TAFA4: variants seen among roughly 807,000 people sequenced by gnomAD.
TAFA4 encodes TAFA chemokine like family member 4.
Under a neutral mutation model 21.1 loss-of-function variants are expected in TAFA4, and 20 were observed. The observed-to-expected ratio is 0.95, with a 90% CI of 0.67 to 1.38. TAFA4 has a LOEUF of 1.38. Among genes scored for constraint, TAFA4 ranks in the 40% most tolerant of loss-of-function variants. The probability of loss-of-function intolerance (pLI) is 0.00; values close to 1 mark genes in which losing one functional copy is unlikely to be tolerated. For synonymous variants in TAFA4, 71 were observed against 67.4 expected (o/e 1.05, Z -0.26); for missense variants, 211 against 180.9 (o/e 1.17, Z -0.95).
intron 1 of TAFA4, among the ~76,000 whole-genome samples, chr3:68,922,663 T>C (rs1423317228): frequency 1.3e-5 from 2 of 152,220 alleles, no homozygotes; most frequent in African/African-American, 2.4e-5. Flanking sequence ...GAGTCTTTTG[T>C]AGATGTGAAA....
At chr3:68,890,137 CTT>C (rs2089716078) in intron 1 of TAFA4, among the ~76,000 whole-genome samples, 1 of 152,186 alleles carries the variant, frequency 6.6e-6, no homozygotes, top group South Asian at 2.1e-4. Context: ...TTTCAAATGA[CTT>C]TAAGAAAACA....
chr3:68,764,068 C>T (rs1702805105), intron 3 of TAFA4, among the ~76,000 whole-genome samples: 1 of 151,870 alleles, frequency 6.6e-6, no homozygotes, highest in Non-Finnish European at 1.5e-5. Flanking sequence ...TGAATTTGTC[C>T]CCTACAAATT....
At chr3:68,734,618 T>C (rs544744763) in intron 5 of TAFA4, among the ~76,000 whole-genome samples, 2 of 152,216 alleles carry the variant, frequency 1.3e-5, no homozygotes, top group African/African-American at 4.8e-5. Context: ...TCAAGGACAA[T>C]TCCAAGATCT....
At chr3:68,734,924 TTGGACAACTTCA>T (rs1702212061) in intron 5 of TAFA4, among the ~76,000 whole-genome samples, 1 of 152,136 alleles carries the variant, frequency 6.6e-6, no homozygotes, top group Non-Finnish European at 1.5e-5. Context: ...CCAGCTCATT[TTGGACAACTTCA>T]CTGAAGTTGG....
chr3:68,826,281 G>C (rs1010535546), intron 3 of TAFA4, among the ~76,000 whole-genome samples: 1 of 152,100 alleles, frequency 6.6e-6, no homozygotes, highest in African/African-American at 2.4e-5. Flanking sequence ...ATAATAAGAA[G>C]GTTTACTCAG....
At chr3:68,912,000 C>G (rs1460872260) in intron 1 of TAFA4, among the ~76,000 whole-genome samples, 2 of 152,194 alleles carry the variant, frequency 1.3e-5, no homozygotes, top group Non-Finnish European at 2.9e-5. Flanking sequence ...CCTCTGCATT[C>G]CAGTGAATCA....
At chr3:68,769,057 T>C (rs920092712) in intron 3 of TAFA4, among the ~76,000 whole-genome samples, 3 of 152,216 alleles carry the variant, frequency 2.0e-5, no homozygotes, top group Non-Finnish European at 2.9e-5. Context: ...CATAAACAGG[T>C]ACCAGTTTGT....
At chr3:68,881,438 C>A (rs1198379276) in intron 2 of TAFA4, among the ~76,000 whole-genome samples, 1 of 152,128 alleles carries the variant, frequency 6.6e-6, no homozygotes, top group African/African-American at 2.4e-5. Flanking sequence ...AAAAACAATT[C>A]CGTTCACATG....
At position 68,866,976 on chromosome 3, in the gene TAFA4, G is replaced by A. The variant is rs572596384; in HGVS notation, c.130+13754C>T. Among the ~76,000 whole-genome samples the A allele has an allele frequency of 5.9e-5, 9 of 152,116 alleles. 1 individual carries two copies. The highest frequency in any genetic ancestry group is 2.2e-4 in the African/African-American group (9 of 41,534). On this transcript the variant is annotated intron_variant, in intron 3 of 5. Coordinates refer to ENST00000295569, the MANE Select transcript of TAFA4 (RefSeq NM_182522.5). The stretch of plus-strand genomic sequence containing the variant: ...CTAAGAATCACTGGTGTCTAAGACG[G>A]AATTGAGAAAGAGCAAGGGGTAGCA...
intron 3 of TAFA4, among the ~76,000 whole-genome samples, chr3:68,845,240 C>T (rs1704757623): frequency 6.6e-6 from 1 of 152,080 alleles, no homozygotes; most frequent in Admixed American, 6.5e-5. Flanking sequence ...TTTCTTGTTG[C>T]ATTGATCCCT....
chr3:68,737,451 G>A (rs545009424), intron 5 of TAFA4, among the ~76,000 whole-genome samples: 63 of 152,176 alleles, frequency 4.1e-4, no homozygotes, highest in African/African-American at 1.0e-3. Context: ...ATATCAGATC[G>A]TTATCCCAGT....
intron 1 of TAFA4, among the ~76,000 whole-genome samples, chr3:68,893,192 T>G (rs2089748968): frequency 6.6e-6 from 1 of 152,196 alleles, no homozygotes; most frequent in Admixed American, 6.5e-5. Context: ...CCAACATAAA[T>G]TTTGGAGATT....
chr3:68,866,555 T>C (rs540920098), intron 3 of TAFA4, among the ~76,000 whole-genome samples: 1 of 147,512 alleles, frequency 6.8e-6, no homozygotes, highest in East Asian at 2.0e-4. Flanking sequence ...CAAGGAATCA[T>C]GAACTCCCTA....
intron 3 of TAFA4, among the ~76,000 whole-genome samples, chr3:68,861,675 C>G (rs9830191): frequency 0.036 from 5,398 of 152,034 alleles, 312 homozygotes; most frequent in African/African-American, 0.12. Flanking sequence ...GCCAACCCCC[C>G]CAGCCCAGCT....
At chr3:68,845,000 T>C (rs1408917402) in intron 3 of TAFA4, among the ~76,000 whole-genome samples, 2 of 152,210 alleles carry the variant, frequency 1.3e-5, no homozygotes, top group Non-Finnish European at 2.9e-5. Context: ...TTCTGCTGAT[T>C]TGGGGAGGAG....
chr3:68,893,895 T>C (rs1450291662), intron 1 of TAFA4, among the ~76,000 whole-genome samples: 1 of 152,222 alleles, frequency 6.6e-6, no homozygotes, highest in Non-Finnish European at 1.5e-5. Context: ...GTTTATAATA[T>C]GTATGTTTTT....
In TAFA4 at chr3:68,906,159, T is replaced by C. The variant is rs17048137; in HGVS notation, c.-122-20849A>G. On this transcript the variant is annotated intron_variant, in intron 1 of 5. Transcript: ENST00000295569. ...GAAGTAGGATGTGGAGTAGACATTC[T>C]TCAAAGGAACAAGTGTCGTTCCTCA... 5.5e-3 allele frequency among the ~76,000 whole-genome samples: 845 copies of C among 152,320 alleles called. 13 individuals are homozygous for C. Among genetic ancestry groups the C allele is most frequent in the African/African-American group, 0.02 (812 of 41,558 alleles).
intron 1 of TAFA4, among the ~76,000 whole-genome samples, chr3:68,929,850 C>T (rs919702284): frequency 6.6e-6 from 1 of 152,202 alleles, no homozygotes; most frequent in Admixed American, 6.5e-5. Flanking sequence ...CCTTCTTTCC[C>T]TTATTCATCA....
intron 3 of TAFA4, among the ~76,000 whole-genome samples, chr3:68,801,636 G>T (rs1472629006): frequency 6.6e-6 from 1 of 152,118 alleles, no homozygotes; most frequent in Non-Finnish European, 1.5e-5. Context: ...CCATAATCTG[G>T]CTCAAGGGTT....
Sources: gnomAD v4.1 joint callset for allele counts (sites outside exome capture counted in the v4.1 genomes callset) on GRCh38, gnomAD v4.1.1 for gene constraint, MANE v1.5 for transcripts, NCBI Gene and HGNC (gene_info 2026-07-23, HGNC 2026-07-21) for gene names.